ADARB2: variants seen among roughly 807,000 people sequenced by gnomAD.
ADARB2 encodes inactive double-stranded RNA-specific editase B2.
ADARB2 carries 25 observed loss-of-function variants against 62.2 expected under a neutral mutation model. That is an observed-to-expected ratio of 0.40 (90% CI 0.29 to 0.56). The LOEUF (loss-of-function observed/expected upper bound fraction) is 0.56. ADARB2 is among the 20% of genes least tolerant of loss of function. The pLI is 0.43. For synonymous variants in ADARB2, 572 were observed against 500.8 expected (o/e 1.14, Z -1.90); for missense variants, 1,071 against 1,077.4 (o/e 0.99, Z 0.08).
chr10:1,370,133 C>G (rs1475003182), intron 2 of ADARB2, among the ~76,000 whole-genome samples: 1 of 152,190 alleles, frequency 6.6e-6, no homozygotes, highest in Non-Finnish European at 1.5e-5. Context: ...TCTAGAGATG[C>G]AAGGATGAAT....
At chr10:1,733,766 A>G (rs1835263485) in intron 1 of ADARB2, among the ~76,000 whole-genome samples, 1 of 152,224 alleles carries the variant, frequency 6.6e-6, no homozygotes, top group Non-Finnish European at 1.5e-5. Flanking sequence ...TTTGTTGTAC[A>G]TAATTACCAA....
intron 1 of ADARB2, among the ~76,000 whole-genome samples, chr10:1,580,518 A>C (rs1165860058): frequency 9.3e-6 from 1 of 107,924 alleles, no homozygotes; most frequent in African/African-American, 3.1e-5. Context: ...TTTTTTTTAG[A>C]GATTTCATTT....
chr10:1,439,562 TCC>T (rs1830878082), intron 1 of ADARB2, among the ~76,000 whole-genome samples: 1 of 90,440 alleles, frequency 1.1e-5, no homozygotes, highest in Non-Finnish European at 2.5e-5. Flanking sequence ...TGGAGGCAGG[TCC>T]TTCACTATGG....
At chr10:1,404,487 C>T (rs1390884440) in intron 1 of ADARB2, among the ~76,000 whole-genome samples, 2 of 152,204 alleles carry the variant, frequency 1.3e-5, no homozygotes, top group Admixed American at 6.5e-5. Flanking sequence ...CAAGAACCAG[C>T]GTGGGCTCCA....
chr10:1,293,901 G>A lies in ADARB2; in HGVS notation c.1078-22832C>T, dbSNP rs551776102. Among the ~76,000 whole-genome samples the A allele has an allele frequency of 4.6e-5, 7 of 152,170 alleles. No homozygotes were observed. The South Asian group carries it at 6.3e-4, about 14-fold the overall frequency. ...CAGACTTTACTCACTGATGCCTCTC[G>A]GAGTGTCGGCAGGGCAATGTCTTTC... On this transcript the variant is annotated intron_variant, in intron 3 of 9. Coordinates refer to ENST00000381312, the MANE Select transcript of ADARB2 (RefSeq NM_018702.4).
At chr10:1,364,866 T>C (rs1453450280) in intron 2 of ADARB2, among the ~76,000 whole-genome samples, 1 of 130,978 alleles carries the variant, frequency 7.6e-6, no homozygotes, top group African/African-American at 2.8e-5. Flanking sequence ...TGTCACATTT[T>C]GGTAATTTTT....
Position 1,663,961 on chromosome 10 carries a change from C to T in ADARB2, c.100+73090G>A, listed in dbSNP as rs531072505. On this transcript the variant is annotated intron_variant, in intron 1 of 9. Coordinates refer to ENST00000381312, the MANE Select transcript of ADARB2 (RefSeq NM_018702.4). Reference sequence around the variant, plus strand: ...ATGAAATATCATTCCCTGGTCTGAACGTGCTACTGTTTATCCATTCACCCA... The same window carrying T: ...ATGAAATATCATTCCCTGGTCTGAATGTGCTACTGTTTATCCATTCACCCA... 4.6e-5 allele frequency among the ~76,000 whole-genome samples: 7 copies of T among 152,322 alleles called. No individual in the cohort carries two copies. In the South Asian group the frequency reaches 1.4e-3, roughly 32 times the overall value.
intron 1 of ADARB2, among the ~76,000 whole-genome samples, chr10:1,404,902 T>C (rs1832694120): frequency 6.6e-6 from 1 of 152,214 alleles, no homozygotes; most frequent in Admixed American, 6.5e-5. Flanking sequence ...TCTACATTGG[T>C]CCTTTTCGTT....
chr10:1,344,136 C>T (rs1018036193), intron 3 of ADARB2, among the ~76,000 whole-genome samples: 1 of 152,214 alleles, frequency 6.6e-6, no homozygotes, highest in Non-Finnish European at 1.5e-5. Flanking sequence ...CCCAAGCCAC[C>T]TGCCTCACAG....
chr10:1,455,470 A>T (rs1533481), intron 1 of ADARB2, among the ~76,000 whole-genome samples: 116,631 of 152,028 alleles, frequency 0.77, 45,657 homozygotes, highest in Middle Eastern at 0.86. Flanking sequence ...AATAAAAAAA[A>T]AGAGAAAACA....
intron 1 of ADARB2, among the ~76,000 whole-genome samples, chr10:1,550,133 C>G (rs1832593470): frequency 6.6e-6 from 1 of 152,156 alleles, no homozygotes; most frequent in African/African-American, 2.4e-5. Context: ...TCCCTGCTCC[C>G]CACACCACAG....
intron 1 of ADARB2, among the ~76,000 whole-genome samples, chr10:1,473,054 G>A (rs528610368): frequency 1.3e-5 from 2 of 152,288 alleles, no homozygotes; most frequent in East Asian, 1.9e-4. Flanking sequence ...CACTCCAAGC[G>A]AAGAATCATG....
chr10:1,421,976 T>C (rs2820658), intron 1 of ADARB2, among the ~76,000 whole-genome samples: 147,501 of 152,356 alleles, frequency 0.97, 71,478 homozygotes, highest in Non-Finnish European at 0.99. Context: ...CAGCCCCAGG[T>C]ACCTACTCTA....
intron 1 of ADARB2, among the ~76,000 whole-genome samples, chr10:1,616,699 C>T (rs1833639711): frequency 6.7e-6 from 1 of 149,400 alleles, no homozygotes; most frequent in Non-Finnish European, 1.5e-5. Context: ...GAACTGGCCT[C>T]AGAGGGCTGC....
At chr10:1,569,147 TCAGAGAGAGA>T (rs1388959825) in intron 1 of ADARB2, among the ~76,000 whole-genome samples, 1 of 132,880 alleles carries the variant, frequency 7.5e-6, no homozygotes, top group Non-Finnish European at 1.6e-5. Flanking sequence ...AGACAGAGAG[TCAGAGAGAGA>T]CAGAGATATA....
At chr10:1,231,596 C>T (rs966137064) in intron 6 of ADARB2, among the ~76,000 whole-genome samples, 3 of 152,178 alleles carry the variant, frequency 2.0e-5, no homozygotes, top group African/African-American at 7.2e-5. Context: ...GCCTCTCTCT[C>T]CCTACTGCAG....
intron 1 of ADARB2, among the ~76,000 whole-genome samples, chr10:1,702,064 T>C (rs1256078569): frequency 6.6e-6 from 1 of 152,258 alleles, no homozygotes; most frequent in Non-Finnish European, 1.5e-5. Flanking sequence ...CCTGCTGATG[T>C]AGAAGCCCTG....
At position 1,249,374 on chromosome 10, in the gene ADARB2, G is replaced by A. The variant is rs1480864550; in HGVS notation, c.1193-7075C>T. On this transcript the variant is annotated intron_variant, in intron 4 of 9. Transcript: ENST00000381312. ...GGAGGATCACTTGAGCCCTGGAGGC[G>A]GAGGTTGGAGTGAGCTGAGATTGCG... is the stretch of plus-strand genomic sequence containing the variant. 4.6e-5 allele frequency among the ~76,000 whole-genome samples: 7 copies of A among 151,630 alleles called. No homozygotes were observed. In the East Asian group the frequency reaches 5.8e-4, roughly 13 times the overall value.
intron 1 of ADARB2, among the ~76,000 whole-genome samples, chr10:1,654,115 C>T (rs895909461): frequency 2.0e-5 from 3 of 152,180 alleles, no homozygotes; most frequent in African/African-American, 7.2e-5. Flanking sequence ...CCCCATCACC[C>T]TGTTCTCTGT....
Sources: gnomAD v4.1 joint callset for allele counts (sites outside exome capture counted in the v4.1 genomes callset) on GRCh38, gnomAD v4.1.1 for gene constraint, MANE v1.5 for transcripts, NCBI Gene and HGNC (gene_info 2026-07-23, HGNC 2026-07-21) for gene names.